ARHGAP18: variants seen among roughly 807,000 people sequenced by gnomAD.
ARHGAP18 encodes the protein Rho GTPase activating protein 18, also known as rho GTPase-activating protein 18.
A neutral mutation model predicts 86.2 loss-of-function variants in ARHGAP18; 67 were observed. That is an observed-to-expected ratio of 0.78 (90% CI 0.64 to 0.95). The LOEUF is 0.95. Among genes scored for constraint, ARHGAP18 ranks in the 40% least tolerant of loss-of-function variants. ARHGAP18 has a pLI of 0.00. For synonymous variants in ARHGAP18, 283 were observed against 280.4 expected (o/e 1.01, Z -0.09); for missense variants, 691 against 780.4 (o/e 0.89, Z 1.37).
At chr6:129,604,896 T>A (rs2114453518) in intron 10 of ARHGAP18, among the ~76,000 whole-genome samples, 1 of 152,294 alleles carries the variant, frequency 6.6e-6, no homozygotes. Context: ...TAATATTCAT[T>A]CCATGGGCAT....
intron 1 of ARHGAP18, among the ~76,000 whole-genome samples, chr6:129,697,049 C>T (rs565317386): frequency 6.6e-5 from 10 of 152,280 alleles, no homozygotes; most frequent in Admixed American, 1.3e-4. Context: ...CATGAGAAGC[C>T]TGGTAGCTTC....
intron 1 of ARHGAP18, among the ~76,000 whole-genome samples, chr6:129,685,808 G>A (rs1233213330): frequency 2.0e-5 from 3 of 150,960 alleles, no homozygotes; most frequent in Admixed American, 2.0e-4. Context: ...ACACAAAAAT[G>A]AATTTAGTTA....
In ARHGAP18 at chr6:129,628,971, A is replaced by C. The variant is rs530754559; in HGVS notation, c.786+382T>G. Among the ~76,000 whole-genome samples the C allele has an allele frequency of 3.3e-5, 5 of 152,318 alleles. No individual in the cohort carries two copies. In the East Asian group the frequency reaches 5.8e-4, roughly 18 times the overall value. On this transcript the variant is annotated intron_variant, in intron 5 of 14. Transcript: ENST00000368149. Reference sequence around the variant, plus strand: ...CATATAGATAGATATAGAAAAGAAAAAGAGGTTATAAAATATTAATAACTG... The same window carrying C: ...CATATAGATAGATATAGAAAAGAAACAGAGGTTATAAAATATTAATAACTG...
At chr6:129,671,416 G>C (rs1774138423) in intron 1 of ARHGAP18, among the ~76,000 whole-genome samples, 1 of 152,160 alleles carries the variant, frequency 6.6e-6, no homozygotes, top group South Asian at 2.1e-4. Flanking sequence ...ATGTGAATTA[G>C]GGCCAGGCGC....
intron 1 of ARHGAP18, chr6:129,661,972 C>CCACACA (rs5879958): frequency 1.7e-5 from 15 of 883,276 alleles, no homozygotes; most frequent in Non-Finnish European, 2.0e-5. Context: ...CCTGGTGTTG[C>CCACACA]CACACACACA....
intron 14 of ARHGAP18, among the ~76,000 whole-genome samples, chr6:129,579,256 T>C (rs1380685581): frequency 1.3e-5 from 2 of 152,148 alleles, no homozygotes; most frequent in Non-Finnish European, 2.9e-5. Flanking sequence ...TCTATTAATA[T>C]TTAAATAACC....
intron 1 of ARHGAP18, among the ~76,000 whole-genome samples, chr6:129,692,269 C>T (rs1774541869): frequency 6.6e-6 from 1 of 152,186 alleles, no homozygotes; most frequent in Admixed American, 6.5e-5. Flanking sequence ...CCTTTCCTCT[C>T]CTCAAAGGCA....
chr6:129,696,448 T>C (rs1383906468), intron 1 of ARHGAP18, among the ~76,000 whole-genome samples: 1 of 152,242 alleles, frequency 6.6e-6, no homozygotes, highest in Non-Finnish European at 1.5e-5. Flanking sequence ...TACATACTTT[T>C]TGGAAAACAT....
intron 1 of ARHGAP18, among the ~76,000 whole-genome samples, chr6:129,690,796 A>G (rs979653585): frequency 2.0e-5 from 3 of 152,226 alleles, no homozygotes; most frequent in African/African-American, 7.2e-5. Flanking sequence ...TAAATTTTAT[A>G]TGCTTTCACA....
chr6:129,597,938 C>T (rs557679329), intron 12 of ARHGAP18, among the ~76,000 whole-genome samples: 1 of 152,066 alleles, frequency 6.6e-6, no homozygotes, highest in Admixed American at 6.6e-5. Flanking sequence ...ATTCCATTTC[C>T]AAAAAGTAAA....
At chr6:129,635,281 T>C (rs1275637074) in intron 3 of ARHGAP18, among the ~76,000 whole-genome samples, 1 of 152,188 alleles carries the variant, frequency 6.6e-6, no homozygotes, top group East Asian at 1.9e-4. Context: ...AAGGACTTCA[T>C]CCTCCACCTG....
intron 1 of ARHGAP18, among the ~76,000 whole-genome samples, chr6:129,702,856 C>T (rs954655488): frequency 7.2e-5 from 11 of 152,170 alleles, no homozygotes; most frequent in Non-Finnish European, 8.8e-5. Context: ...AAAAATTAGA[C>T]GGGTGTGGTG....
At chr6:129,596,663 C>A (rs1025873129) in intron 12 of ARHGAP18, 1 of 152,160 alleles carries the variant, frequency 6.6e-6, no homozygotes, top group African/African-American at 2.4e-5. Flanking sequence ...AACTGTTTAA[C>A]AAATGACAAA....
Position 129,629,520 on chromosome 6 carries a change from C to A in ARHGAP18, c.619G>T (p.Glu207Ter). The A allele has an allele frequency of 6.2e-7, 1 of 1,607,694 alleles. No homozygotes were observed. The highest frequency in any genetic ancestry group is 8.5e-7 in the Non-Finnish European group (1 of 1,177,916). Reference protein sequence around the residue: ...NENKYQGRDDEASNLVGEEKL... With the variant: ...NENKYQGRDD ...TCTTCACCAACAAGGTTAGATGCCT[C>A]GTCTAGGGGCCCGGGGGGAAAGAAC... Residue 207 changes from glutamate to a stop codon, truncating the protein, a stop_gained and splice_region_variant, in exon 5 of 15, where the codon GAG (glutamate) becomes TAG (stop). Coordinates refer to ENST00000368149, the MANE Select transcript of ARHGAP18 (RefSeq NM_033515.3). LOFTEE classifies it high-confidence loss of function.
rs1328335962 is a variant in ARHGAP18 at position 129,625,182 on chromosome 6, A to G, written c.786+4171T>C. ...ATATATATTATATATGATATATTAT[A>G]TATTATATATGATATATATTTATAT... On this transcript the variant is annotated intron_variant, in intron 5 of 14. Transcript: ENST00000368149. Among the ~76,000 whole-genome samples the G allele has an allele frequency of 2.4e-3, 214 of 90,684 alleles. 37 individuals are homozygous for G. The highest frequency in any genetic ancestry group is 3.6e-3 in the Non-Finnish European group (189 of 52,668). The allele number at this position is 90,684 out of a possible 152,430, so 59.5% of individuals were successfully genotyped here. A position where few individuals can be genotyped will look rare whatever the true frequency, so the allele number is the denominator to read the frequency against.
chr6:129,699,316 TTTATTGGAGTATACAAAGC>T (rs1388572577), intron 1 of ARHGAP18, among the ~76,000 whole-genome samples: 23 of 152,324 alleles, frequency 1.5e-4, no homozygotes, highest in Admixed American at 5.2e-4. Context: ...CAAAGGCATA[TTTATTGGAGTATACAAAGC>T]TCCCAGGTGC....
At chr6:129,660,847 C>T (rs186701054) in intron 1 of ARHGAP18, among the ~76,000 whole-genome samples, 7 of 151,772 alleles carry the variant, frequency 4.6e-5, no homozygotes, top group East Asian at 1.9e-4. Flanking sequence ...AAGAGCTCAA[C>T]GAAAACAAAT....
Position 129,613,838 on chromosome 6 carries a change from G to A in ARHGAP18, c.1045-2228C>T, listed in dbSNP as rs186114420. ...ACTATATTGACTCATACATTTTAAT[G>A]ATGCTGTTACTAATGTATCTATGTT... is the stretch of plus-strand genomic sequence containing the variant. On this transcript the variant is annotated intron_variant, in intron 7 of 14. Transcript: ENST00000368149. Among the ~76,000 whole-genome samples, 439 of 148,352 alleles carry A rather than the reference G, an allele frequency of 3.0e-3. 1 individual carries two copies. The highest frequency in any genetic ancestry group is 0.011 in the Middle Eastern group (3 of 276).
intron 1 of ARHGAP18, among the ~76,000 whole-genome samples, chr6:129,686,003 CG>C (rs1481377557): frequency 6.6e-6 from 1 of 152,036 alleles, no homozygotes; most frequent in Non-Finnish European, 1.5e-5. Context: ...TTGCCGGGGG[CG>C]GGCGGAGGGG....
Sources: allele counts gnomAD v4.1 joint callset (sites outside exome capture counted in the v4.1 genomes callset), GRCh38; gene constraint gnomAD v4.1.1; transcripts MANE v1.5; gene names NCBI Gene and HGNC (gene_info 2026-07-23, HGNC 2026-07-21).